The following TPP2 variants were observed in gnomAD, a reference collection of about 807,000 sequenced individuals.
TPP2 encodes the protein tripeptidyl-peptidase 2.
In TPP2, 34 loss-of-function variants were observed where a neutral mutation model predicts 155.9. That is an observed-to-expected ratio of 0.22 (90% CI 0.17 to 0.29). The LOEUF is 0.29. Ranked by LOEUF, TPP2 falls within the 10% of genes least tolerant of loss-of-function variation. The probability of loss-of-function intolerance (pLI) is 1.00; values close to 1 mark genes in which losing one functional copy is unlikely to be tolerated. For synonymous variants in TPP2, 510 were observed against 529.4 expected (o/e 0.96, Z 0.50); for missense variants, 1,028 against 1,522.3 (o/e 0.68, Z 5.40).
At chr13:102,600,352 A>G (rs984114200) in intron 1 of TPP2, among the ~76,000 whole-genome samples, 4 of 152,046 alleles carry the variant, frequency 2.6e-5, no homozygotes, top group South Asian at 2.1e-4. Context: ...TCTTGACACC[A>G]TTATGTTTTG....
intron 3 of TPP2, 72 bp from the exon 4 acceptor site, chr13:102,616,324 A>G (rs1880722441): frequency 8.1e-7 from 1 of 1,238,980 alleles, no homozygotes; most frequent in Non-Finnish European, 1.1e-6. Context: ...CAAAGTCCAC[A>G]TATAAATGCC....
Position 102,676,436 on chromosome 13 carries a change from C to A in TPP2, c.3699+21C>A, listed in dbSNP as rs1885285838. 7 of 1,603,874 alleles carry A rather than the reference C, an allele frequency of 4.4e-6. No homozygotes were observed. The East Asian group carries it at 1.6e-4, about 36-fold the overall frequency. Reference sequence around the variant, plus strand: ...TTCAAGTAAGTGATATTTAAAATGTCACTGTTAAGCATCACTTTGATATTG... The same window carrying A: ...TTCAAGTAAGTGATATTTAAAATGTAACTGTTAAGCATCACTTTGATATTG... On this transcript the variant is annotated intron_variant, in intron 29 of 29. Transcript: ENST00000376052.
chr13:102,667,626 T>G (rs1465931999), intron 27 of TPP2: 19 of 489,622 alleles, frequency 3.9e-5, no homozygotes, highest in Non-Finnish European at 5.0e-5. Context: ...GTACAAAACC[T>G]AAGGAGAGGA....
chr13:102,652,172 T>C (rs1277185980), intron 24 of TPP2, among the ~76,000 whole-genome samples: 1 of 152,036 alleles, frequency 6.6e-6, no homozygotes, highest in East Asian at 1.9e-4. Flanking sequence ...GCTCAGCGGT[T>C]TGAAACCAGC....
rs1883576090 is a variant in TPP2, at chr13:102,652,440, AT to A, written c.2991+1044del. On this transcript the variant is annotated intron_variant, in intron 24 of 29. Transcript: ENST00000376052. ...TATATATATATATATATATATATAT[AT>A]ATATATATATATAAAAGGGACCACA... 5.2e-3 allele frequency among the ~76,000 whole-genome samples: 215 copies of A among 41,004 alleles called. 2 individuals are homozygous for A. Among genetic ancestry groups the A allele is most frequent in the Non-Finnish European group, 7.3e-3 (163 of 22,394 alleles). 26.9% of individuals were successfully genotyped at this position (41,004 alleles called of 152,430 possible).
intron 4 of TPP2, among the ~76,000 whole-genome samples, chr13:102,616,924 T>C (rs1880779811): frequency 6.6e-6 from 1 of 152,096 alleles, no homozygotes; most frequent in Non-Finnish European, 1.5e-5. Context: ...TTTTGTTTTT[T>C]TTTTTTGAGA....
intron 27 of TPP2, chr13:102,667,649 A>G (rs902590744): frequency 1.5e-6 from 1 of 645,468 alleles, no homozygotes; most frequent in Admixed American, 6.3e-5. Context: ...GGAATACTCC[A>G]GATATGTAGA....
chr13:102,648,898 C>T lies in TPP2; in HGVS notation c.2629-9C>T. On this transcript the variant is annotated splice_polypyrimidine_tract_variant and intron_variant, in intron 21 of 29. Transcript: ENST00000376052. ...TTAACTTTTCCCAAATGTTGTTTTT[C>T]TTTTTCAGTATTCTTTGAAACTGGA... 6.4e-7 allele frequency: 1 copy of T among 1,572,240 alleles called. No individual in the cohort carries two copies.
In TPP2 at chr13:102,643,141, A is replaced by G. The variant is rs568998752; in HGVS notation, c.2021-81A>G. 8.5e-5 allele frequency: 114 copies of G among 1,339,812 alleles called. 1 individual carries two copies. The East Asian group carries it at 2.4e-3, about 28-fold the overall frequency. The allele number at this position is 1,339,812 out of a possible 1,614,324, so 83.0% of individuals were successfully genotyped here. A position where few individuals can be genotyped will look rare whatever the true frequency, so the allele number is the denominator to read the frequency against. On this transcript the variant is annotated intron_variant, in intron 16 of 29. Coordinates refer to ENST00000376052, the MANE Select transcript of TPP2 (RefSeq NM_001330588.2). Reference sequence around the variant, plus strand: ...ATGTCCCTACATGGGAATTATCCCTAAGTGGGCATTATTAAAGCCACTTTA... The same window carrying G: ...ATGTCCCTACATGGGAATTATCCCTGAGTGGGCATTATTAAAGCCACTTTA...
In TPP2 at chr13:102,638,228, C is replaced by G; in HGVS notation, c.1837-11C>G. On this transcript the variant is annotated splice_polypyrimidine_tract_variant and intron_variant, in intron 14 of 29. Coordinates refer to ENST00000376052, the MANE Select transcript of TPP2 (RefSeq NM_001330588.2). ...TTATGGATATTGACACTTACCGATT[C>G]TTTTTTCAAGGTATGTGGCTATGAT... The G allele has an allele frequency of 3.7e-6, 6 of 1,610,898 alleles. No homozygotes were observed. The highest frequency in any genetic ancestry group is 5.1e-6 in the Non-Finnish European group (6 of 1,179,394).
chr13:102,659,348 A>T (rs9518802), intron 25 of TPP2, among the ~76,000 whole-genome samples: 25,398 of 152,222 alleles, frequency 0.17, 2,574 homozygotes, highest in South Asian at 0.27. Flanking sequence ...GAAAGACATT[A>T]ACCTACATAT....
Position 102,616,725 on chromosome 13 carries a change from A to G in TPP2, c.495+225A>G, listed in dbSNP as rs137990720. ...TAATACACGTAGGGTAAAAGTACAT[A>G]AATTGTGTTTGGTTATGAATTCTCC... is the stretch of plus-strand genomic sequence containing the variant. On this transcript the variant is annotated intron_variant, in intron 4 of 29. Transcript: ENST00000376052. Among the ~76,000 whole-genome samples, 763 of 152,322 alleles carry G rather than the reference A, an allele frequency of 5.0e-3. 16 individuals are homozygous for G. The highest frequency in any genetic ancestry group is 0.041 in the Admixed American group (626 of 15,300).
intron 6 of TPP2, among the ~76,000 whole-genome samples, chr13:102,625,005 G>A (rs1366392699): frequency 5.3e-5 from 8 of 150,342 alleles, no homozygotes; most frequent in African/African-American, 1.7e-4. Flanking sequence ...GATTACAGGC[G>A]CGTACCACCA....
intron 1 of TPP2, among the ~76,000 whole-genome samples, 172 bp from the exon 2 acceptor site, chr13:102,604,621 A>G (rs1879679428): frequency 6.6e-6 from 1 of 152,214 alleles, no homozygotes; most frequent in Admixed American, 6.5e-5. Context: ...TGTTTCCACG[A>G]TTAAATTTTC....
At chr13:102,648,788 C>A in intron 21 of TPP2, 119 bp from the exon 22 acceptor site, 6 of 1,345,624 alleles carry the variant, frequency 4.5e-6, no homozygotes, top group Non-Finnish European at 5.9e-6. Context: ...GTTCCTTGCA[C>A]TGTACCTCAC....
rs536538780 is a variant in TPP2, at chr13:102,606,769, G to A, written c.294+1848G>A. On this transcript the variant is annotated intron_variant, in intron 2 of 29. Transcript: ENST00000376052. ...TGCCTTCACTTAGGGGAGGGACGTGGGTCTTCTTAGAAATCTGCCTGTCAT... is the reference window on the plus strand; with the variant it reads ...TGCCTTCACTTAGGGGAGGGACGTGAGTCTTCTTAGAAATCTGCCTGTCAT... 7.2e-4 allele frequency among the ~76,000 whole-genome samples: 110 copies of A among 152,212 alleles called. 1 individual carries two copies. The Middle Eastern group carries it at 0.01, about 14-fold the overall frequency.
chr13:102,614,083 CT>C lies in TPP2; in HGVS notation c.295-17del, dbSNP rs1324930720. 1 of 1,606,322 alleles carries C rather than the reference CT, an allele frequency of 6.2e-7. No homozygotes were observed. Among genetic ancestry groups the C allele is most frequent in the East Asian group, 2.2e-5 (1 of 44,742 alleles). On this transcript the variant is annotated splice_polypyrimidine_tract_variant and intron_variant, in intron 2 of 29. Coordinates refer to ENST00000376052, the MANE Select transcript of TPP2 (RefSeq NM_001330588.2). ...AAGCATTTAGTGAATGAACAGGTTACTCTTTTTTTTTCTGTAGATTCCTGCA... is the reference window on the plus strand; with the variant it reads ...AAGCATTTAGTGAATGAACAGGTTACCTTTTTTTTTCTGTAGATTCCTGCA...
chr13:102,656,269 A>T (rs1264187164), intron 24 of TPP2, among the ~76,000 whole-genome samples: 1 of 152,190 alleles, frequency 6.6e-6, no homozygotes, highest in Non-Finnish European at 1.5e-5. Context: ...TGCACTTGGA[A>T]TACAATATAT....
intron 6 of TPP2, among the ~76,000 whole-genome samples, chr13:102,625,691 A>G (rs1881568356): frequency 6.6e-6 from 1 of 152,350 alleles, no homozygotes; most frequent in African/African-American, 2.4e-5. Flanking sequence ...AGAATCCGCA[A>G]CATTGGGCGA....
Sources: allele counts gnomAD v4.1 joint callset (sites outside exome capture counted in the v4.1 genomes callset), GRCh38; gene constraint gnomAD v4.1.1; transcripts MANE v1.5; gene names NCBI Gene and HGNC (gene_info 2026-07-23, HGNC 2026-07-21).